Variants in PHTF1 observed in about 807,000 individuals in gnomAD.
The protein encoded by PHTF1 is protein PHTF1.
In PHTF1, 88 loss-of-function variants were observed where a neutral mutation model predicts 102.4. That is an observed-to-expected ratio of 0.86 (90% CI 0.72 to 1.03). The LOEUF is 1.03. PHTF1 is among the 50% of genes least tolerant of loss of function. The probability of loss-of-function intolerance (pLI) is 0.00; values close to 1 mark genes in which losing one functional copy is unlikely to be tolerated. For missense variants in PHTF1, 814 were observed against 909.5 expected (o/e 0.89, Z 1.35); for synonymous variants, 289 against 305.2 (o/e 0.95, Z 0.55).
chr1:113,725,003 T>C (rs1028932195), intron 6 of PHTF1, 110 bp from the exon 7 acceptor site: 2 of 737,192 alleles, frequency 2.7e-6, no homozygotes, highest in African/African-American at 1.8e-5. Context: ...AAATCAAGTA[T>C]AGTTTAACTT....
In PHTF1 at chr1:113,757,766, G is replaced by A. The variant is rs905158229; in HGVS notation, c.46-11C>T. 1 of 1,568,818 alleles carries A rather than the reference G, an allele frequency of 6.4e-7. No homozygotes were observed. Among genetic ancestry groups the A allele is most frequent in the South Asian group, 1.1e-5 (1 of 90,086 alleles). On this transcript the variant is annotated splice_polypyrimidine_tract_variant and intron_variant, in intron 2 of 18. Transcript: ENST00000369604. Reference sequence around the variant, plus strand: ...ATCGTAGGCTCCAATCTGAAAGAGGGAGTAGTCTATTAGTTAAACGATGCA... The same window carrying A: ...ATCGTAGGCTCCAATCTGAAAGAGGAAGTAGTCTATTAGTTAAACGATGCA...
intron 17 of PHTF1, chr1:113,699,457 C>G (rs1649198148): frequency 4.8e-6 from 3 of 626,744 alleles, no homozygotes; most frequent in African/African-American, 1.8e-5. Flanking sequence ...TCTTCATGTC[C>G]TTGACCAGAT....
At chr1:113,753,749 CTCTGTCATCTT>C (rs1301211352) in intron 3 of PHTF1, among the ~76,000 whole-genome samples, 1 of 148,510 alleles carries the variant, frequency 6.7e-6, no homozygotes, top group Non-Finnish European at 1.5e-5. Context: ...AAGGCAGGGT[CTCTGTCATCTT>C]GACCTCCAGG....
At chr1:113,745,034 G>A (rs28440913) in intron 3 of PHTF1, among the ~76,000 whole-genome samples, 6 of 151,418 alleles carry the variant, frequency 4.0e-5, no homozygotes, top group Non-Finnish European at 7.4e-5. Context: ...AGGCAGGGCA[G>A]GGCAGGGCAG....
intron 11 of PHTF1, among the ~76,000 whole-genome samples, chr1:113,709,091 C>T (rs1650659718): frequency 6.6e-6 from 1 of 151,894 alleles, no homozygotes; most frequent in African/African-American, 2.4e-5. Flanking sequence ...CCTGTCTCTA[C>T]AAAAAATTTA....
intron 14 of PHTF1, among the ~76,000 whole-genome samples, chr1:113,704,400 C>CA (rs1306794065): frequency 1.3e-5 from 2 of 151,990 alleles, no homozygotes; most frequent in African/African-American, 2.4e-5. Flanking sequence ...GAGTATTTCC[C>CA]AAAAAAGCCA....
intron 5 of PHTF1, among the ~76,000 whole-genome samples, chr1:113,731,414 C>T (rs1298052984): frequency 6.6e-6 from 1 of 151,946 alleles, no homozygotes; most frequent in Non-Finnish European, 1.5e-5. Flanking sequence ...TGGCACACAC[C>T]TATAGTCCCA....
At chr1:113,730,781 G>T (rs945190213) in intron 5 of PHTF1, among the ~76,000 whole-genome samples, 6 of 152,182 alleles carry the variant, frequency 3.9e-5, no homozygotes, top group Admixed American at 1.3e-4. Flanking sequence ...GTATCTCTCA[G>T]AAGATGAATG....
At chr1:113,749,728 A>C (rs960434658) in intron 3 of PHTF1, 6 of 152,214 alleles carry the variant, frequency 3.9e-5, no homozygotes, top group African/African-American at 1.2e-4. Flanking sequence ...TACCTGATAC[A>C]TCTAATTCCT....
Position 113,706,024 on chromosome 1 carries a change from T to C in PHTF1, c.1537A>G (p.Ile513Val), listed in dbSNP as rs761976536. 4 of 1,614,072 alleles carry C rather than the reference T, an allele frequency of 2.5e-6. No individual in the cohort carries two copies. Among genetic ancestry groups the C allele is most frequent in the Non-Finnish European group, 2.5e-6 (3 of 1,180,008 alleles). The part of the protein sequence containing the change: ...DQLKSISAEE[I>V]LTLFCGAPPV... ...GGTGCCCCACAAAAGAGAGTCAAGATCTCCTCAGCTGAAATGGACTTTAGT... is the reference window on the plus strand; with the variant it reads ...GGTGCCCCACAAAAGAGAGTCAAGACCTCCTCAGCTGAAATGGACTTTAGT... The change falls in exon 13 of 19, where the codon ATC becomes GTC. Residue 513 changes from isoleucine (I) to valine (V), a missense_variant. Transcript: ENST00000369604.
At chr1:113,708,450 A>AC (rs2101135852) in intron 11 of PHTF1, among the ~76,000 whole-genome samples, 1 of 152,224 alleles carries the variant, frequency 6.6e-6, no homozygotes, top group East Asian at 1.9e-4. Flanking sequence ...ACACAGCGAA[A>AC]CCCCATCTCT....
chr1:113,755,703 A>G (rs188842067), intron 3 of PHTF1, among the ~76,000 whole-genome samples: 80 of 152,324 alleles, frequency 5.3e-4, no homozygotes, highest in Admixed American at 8.5e-4. Context: ...AGGTTAACAA[A>G]TAACTTTGAT....
chr1:113,739,750 C>T (rs1344298063), intron 3 of PHTF1, among the ~76,000 whole-genome samples: 1 of 152,176 alleles, frequency 6.6e-6, no homozygotes, highest in East Asian at 1.9e-4. Flanking sequence ...TATACTTCCC[C>T]ACCTCTAATA....
chr1:113,699,563 C>G, intron 17 of PHTF1, 141 bp downstream of exon 17: 1 of 670,808 alleles, frequency 1.5e-6, no homozygotes, highest in Non-Finnish European at 2.7e-6. Context: ...ACTGTGACCC[C>G]TACCCCTGAT....
chr1:113,712,539 T>G (rs530496079), intron 8 of PHTF1, among the ~76,000 whole-genome samples: 25 of 152,374 alleles, frequency 1.6e-4, no homozygotes, highest in African/African-American at 5.3e-4. Context: ...TGCCTGGTTA[T>G]AGTAACGGCT....
Position 113,712,015 on chromosome 1 carries a change from C to T in PHTF1, c.882G>A (p.Val294=), listed in dbSNP as rs143223452. The T allele has an allele frequency of 4.5e-4, 730 of 1,613,938 alleles. 6 individuals carry two copies. In the African/African-American group the frequency reaches 8.1e-3, roughly 18 times the overall value. The change falls in exon 9 of 19, where the codon GTG becomes GTA. Residue 294 remains valine (V), a synonymous_variant. Transcript: ENST00000369604. ...RTQMILLRRS[V]EGASSDNGCE... ...AACCATTGTCACTTGAGGCCCCTTC[C>T]ACACTCCTACGCAATAATATCATCT...
At chr1:113,719,516 C>G (rs1226223098) in intron 7 of PHTF1, among the ~76,000 whole-genome samples, 1 of 152,220 alleles carries the variant, frequency 6.6e-6, no homozygotes, top group Non-Finnish European at 1.5e-5. Flanking sequence ...CCACCAGTCT[C>G]TTTGCTAAAA....
intron 3 of PHTF1, among the ~76,000 whole-genome samples, chr1:113,756,923 T>C (rs1658970273): frequency 6.6e-6 from 1 of 152,018 alleles, no homozygotes; most frequent in South Asian, 2.1e-4. Flanking sequence ...ATCCCAGCAC[T>C]TTGGGAGTCG....
chr1:113,758,786 C>A, intron 1 of PHTF1, 53 bp from the exon 2 acceptor site: 1 of 1,559,852 alleles, frequency 6.4e-7, no homozygotes, highest in Non-Finnish European at 8.7e-7. Flanking sequence ...GGTTACTCTC[C>A]CAGTTTGGGT....
Sources: allele counts gnomAD v4.1 joint callset (sites outside exome capture counted in the v4.1 genomes callset), GRCh38; gene constraint gnomAD v4.1.1; transcripts MANE v1.5; gene names NCBI Gene and HGNC (gene_info 2026-07-23, HGNC 2026-07-21).